Variants in LRRC20 observed in about 807,000 individuals in gnomAD.
LRRC20 encodes the protein leucine-rich repeat-containing protein 20.
Under a neutral mutation model 14.4 loss-of-function variants are expected in LRRC20, and 11 were observed. The observed-to-expected ratio is 0.77, with a 90% confidence interval of 0.48 to 1.27. LRRC20 has a LOEUF of 1.27. Ranked by LOEUF, LRRC20 falls within the 50% of genes most tolerant of loss-of-function variation. The pLI is 0.00. For missense variants in LRRC20, 219 were observed against 251.2 expected (o/e 0.87, Z 0.87); for synonymous variants, 121 against 107.3 (o/e 1.13, Z -0.79).
chr10:70,362,817 GCTA>G (rs1324591652), intron 2 of LRRC20, among the ~76,000 whole-genome samples: 1 of 152,184 alleles, frequency 6.6e-6, no homozygotes, highest in African/African-American at 2.4e-5. Context: ...GGCAGGGGGT[GCTA>G]CTAGTGTTAT....
At position 70,325,875 on chromosome 10, in the gene LRRC20, C is replaced by T. The variant is rs200613622; in HGVS notation, c.233-1845G>A. ...CTTCTGGCCTACTCCAGGCACCTCCCGAGAAAATAAGCCACAAAATATGAA... is the reference window on the plus strand; with the variant it reads ...CTTCTGGCCTACTCCAGGCACCTCCTGAGAAAATAAGCCACAAAATATGAA... On this transcript the variant is annotated intron_variant, in intron 3 of 4. Coordinates refer to ENST00000446961, the MANE Select transcript of LRRC20 (RefSeq NM_001278212.2). Among the ~76,000 whole-genome samples, 23 of 152,136 alleles carry T rather than the reference C, an allele frequency of 1.5e-4. 1 individual carries two copies. In the East Asian group the frequency reaches 3.3e-3, roughly 22 times the overall value.
At position 70,306,975 on chromosome 10, in the gene LRRC20, G is replaced by A. The variant is rs538148043; in HGVS notation, c.401-5467C>T. On this transcript the variant is annotated intron_variant, in intron 4 of 4. Coordinates refer to ENST00000446961, the MANE Select transcript of LRRC20 (RefSeq NM_001278212.2). The stretch of plus-strand genomic sequence containing the variant: ...TCAAATTGTCCAGATTTGACCACTG[G>A]GAGCCCCTTTGGCCTGGCTCCTGTA... Among the ~76,000 whole-genome samples the A allele has an allele frequency of 2.6e-5, 4 of 152,210 alleles. No individual in the cohort carries two copies. The East Asian group carries it at 7.7e-4, about 29-fold the overall frequency.
Position 70,301,432 on chromosome 10 carries a change from C to G in LRRC20, c.477G>C (p.Glu159Asp), listed in dbSNP as rs373556330. The change falls in exon 5 of 5, where the codon GAG becomes GAC. Residue 159 changes from glutamate to aspartate, a missense_variant. Glu to Asp is a conservative substitution (Grantham distance 45). Coordinates refer to ENST00000446961, the MANE Select transcript of LRRC20 (RefSeq NM_001278212.2). The stretch of plus-strand genomic sequence containing the variant: ...TGAGCGGCGGGGCGATCACGCGCAC[C>G]TCGGCGTTGAGTGGGTTGAAGCGGA... Reference protein sequence around the residue: ...INLRFNPLNAEVRVIAPPLIK... With the variant: ...INLRFNPLNADVRVIAPPLIK... 8 of 1,613,794 alleles carry G rather than the reference C, an allele frequency of 5.0e-6. No homozygotes were observed. In the African/African-American group the frequency reaches 9.3e-5, roughly 19 times the overall value.
chr10:70,367,982 G>GTTATGTTATGTTATT (rs1844090360), intron 2 of LRRC20, among the ~76,000 whole-genome samples: 1 of 144,036 alleles, frequency 6.9e-6, no homozygotes, highest in Non-Finnish European at 1.5e-5. Flanking sequence ...GTTATGTTAT[G>GTTATGTTATGTTATT]TTATGTTATG....
chr10:70,363,123 T>A (rs1589118402), intron 2 of LRRC20, among the ~76,000 whole-genome samples: 1 of 1,880 alleles, frequency 5.3e-4, no homozygotes, highest in South Asian at 0.042. Flanking sequence ...AAAAAAAAAT[T>A]TTAAATTAGC....
At chr10:70,341,953 A>G (rs1842930454) in intron 2 of LRRC20, among the ~76,000 whole-genome samples, 1 of 152,120 alleles carries the variant, frequency 6.6e-6, no homozygotes, top group South Asian at 2.1e-4. Context: ...TAGATTAGCC[A>G]AGGCTGCAGG....
chr10:70,307,654 A>C (rs756224889), intron 4 of LRRC20, among the ~76,000 whole-genome samples: 79 of 152,216 alleles, frequency 5.2e-4, no homozygotes, highest in Non-Finnish European at 5.9e-4. Flanking sequence ...ATTTAGGCAA[A>C]GGCCCCCAGA....
chr10:70,304,472 A>ATC (rs1564607813), intron 4 of LRRC20, among the ~76,000 whole-genome samples: 4 of 10,462 alleles, frequency 3.8e-4, no homozygotes, highest in African/African-American at 2.2e-3. Flanking sequence ...CCACTTCTTT[A>ATC]TATATATATA....
At chr10:70,368,286 T>C (rs183001863) in intron 2 of LRRC20, among the ~76,000 whole-genome samples, 265 of 150,298 alleles carry the variant, frequency 1.8e-3, no homozygotes, top group African/African-American at 6.3e-3. Flanking sequence ...GCCTCCCAAG[T>C]AGCTGGGACT....
At chr10:70,362,291 C>T (rs1843759087) in intron 2 of LRRC20, among the ~76,000 whole-genome samples, 1 of 152,212 alleles carries the variant, frequency 6.6e-6, no homozygotes, top group Non-Finnish European at 1.5e-5. Flanking sequence ...TGTGCAAAGG[C>T]CTGTGGCTAG....
At chr10:70,328,755 T>C (rs533496529) in intron 3 of LRRC20, among the ~76,000 whole-genome samples, 4 of 152,202 alleles carry the variant, frequency 2.6e-5, no homozygotes, top group South Asian at 4.2e-4. Context: ...CTGTCTCTAC[T>C]AAAAATACAA....
chr10:70,333,111 T>C (rs1842599091), intron 3 of LRRC20, among the ~76,000 whole-genome samples: 1 of 152,148 alleles, frequency 6.6e-6, no homozygotes, highest in Non-Finnish European at 1.5e-5. Context: ...GAGCTGCACT[T>C]AGAGCCTGGA....
chr10:70,323,743 A>G (rs1446635169), intron 4 of LRRC20, 120 bp downstream of exon 4: 2 of 1,131,328 alleles, frequency 1.8e-6, no homozygotes, highest in Non-Finnish European at 2.5e-6. Context: ...TCCTTTGCTC[A>G]GGCATCTCAG....
At chr10:70,334,340 C>G (rs1055386926) in intron 3 of LRRC20, among the ~76,000 whole-genome samples, 1 of 152,050 alleles carries the variant, frequency 6.6e-6, no homozygotes, top group African/African-American at 2.4e-5. Context: ...AAAGTAAACC[C>G]AGTGGGCTGA....
At chr10:70,353,867 T>C (rs766906384) in intron 2 of LRRC20, among the ~76,000 whole-genome samples, 9 of 152,176 alleles carry the variant, frequency 5.9e-5, no homozygotes, top group Non-Finnish European at 8.8e-5. Context: ...AATGAGCAGA[T>C]AGATCTTCCA....
chr10:70,377,960 G>GAGTTTCTTAACTCCTCTGAGCC (rs1193153911), intron 1 of LRRC20, among the ~76,000 whole-genome samples: 35 of 152,232 alleles, frequency 2.3e-4, no homozygotes, highest in African/African-American at 8.0e-4. Flanking sequence ...GGCCTTGGGA[G>GAGTTTCTTAACTCCTCTGAGCC]AGTTTCTTAA....
At chr10:70,307,798 C>A (rs1841481932) in intron 4 of LRRC20, among the ~76,000 whole-genome samples, 1 of 152,244 alleles carries the variant, frequency 6.6e-6, no homozygotes, top group African/African-American at 2.4e-5. Flanking sequence ...CCTGAGCTTT[C>A]TCATCTGTAA....
intron 4 of LRRC20, among the ~76,000 whole-genome samples, chr10:70,306,102 GTCTC>G (rs55733521): frequency 0.41 from 59,513 of 144,418 alleles, 12,044 homozygotes; most frequent in East Asian, 0.6. Flanking sequence ...TGCATTTTCT[GTCTC>G]TCTCTCTCTC....
At chr10:70,338,537 T>TAA (rs755791105) in intron 3 of LRRC20, among the ~76,000 whole-genome samples, 7 of 152,268 alleles carry the variant, frequency 4.6e-5, no homozygotes, top group African/African-American at 7.2e-5. Context: ...TCCCAGTTGA[T>TAA]AGACATTTGG....
Sources: allele counts gnomAD v4.1 joint callset (sites outside exome capture counted in the v4.1 genomes callset), GRCh38; gene constraint gnomAD v4.1.1; transcripts MANE v1.5; gene names NCBI Gene and HGNC (gene_info 2026-07-23, HGNC 2026-07-21).